Variants in UVRAG observed in about 807,000 individuals in gnomAD.
UVRAG encodes UV radiation resistance associated.
UVRAG carries 19 observed loss-of-function variants against 78.0 expected under a neutral mutation model. That is an observed-to-expected ratio of 0.24 (90% CI 0.17 to 0.36). The LOEUF is 0.36. UVRAG is among the 10% of genes least tolerant of loss of function. The pLI is 1.00. For synonymous variants in UVRAG, 323 were observed against 324.6 expected (o/e 1.00, Z 0.05); for missense variants, 740 against 853.8 (o/e 0.87, Z 1.66).
intron 4 of UVRAG, among the ~76,000 whole-genome samples, chr11:75,882,714 C>T (rs1386038949): frequency 6.6e-6 from 1 of 152,128 alleles, no homozygotes; most frequent in Non-Finnish European, 1.5e-5. Context: ...CACGCAGCTC[C>T]TGCTAACCAC....
At chr11:76,063,666 A>G (rs994947540) in intron 12 of UVRAG, among the ~76,000 whole-genome samples, 2 of 152,214 alleles carry the variant, frequency 1.3e-5, no homozygotes, top group South Asian at 4.1e-4. Flanking sequence ...GAATCTTCAT[A>G]GGAAATATAT....
intron 13 of UVRAG, among the ~76,000 whole-genome samples, chr11:76,079,950 G>A (rs1951467696): frequency 6.6e-6 from 1 of 152,160 alleles, no homozygotes; most frequent in Non-Finnish European, 1.5e-5. Context: ...AAAGAGATTT[G>A]TTTGGCTCAT....
At chr11:75,893,047 G>A (rs1265045351) in intron 5 of UVRAG, among the ~76,000 whole-genome samples, 6 of 151,746 alleles carry the variant, frequency 4.0e-5, no homozygotes, top group Middle Eastern at 3.4e-3. Flanking sequence ...GCATAGTGGC[G>A]GGTGCCTGTA....
rs573954180 is a variant in UVRAG, at chr11:75,937,309, G to C, written c.594-24135G>C. ...GCCAAGATCACGCCACTGCACTCCA[G>C]CCTCAGCGACAGAGTGAGACTCTGC... On this transcript the variant is annotated intron_variant, in intron 6 of 14. Coordinates refer to ENST00000356136, the MANE Select transcript of UVRAG (RefSeq NM_003369.4). Among the ~76,000 whole-genome samples, 50 of 152,296 alleles carry C rather than the reference G, an allele frequency of 3.3e-4. No individual in the cohort carries two copies. The Middle Eastern group carries it at 0.017, about 52-fold the overall frequency.
At position 75,828,735 on chromosome 11, in the gene UVRAG, A is replaced by G. The variant is rs202199930; in HGVS notation, c.117+13211A>G. On this transcript the variant is annotated intron_variant, in intron 1 of 14. Transcript: ENST00000356136. ...TGTGTATATATATGTGTGTGTGTATATATATATATATACACACACATATAT... is the reference window on the plus strand; with the variant it reads ...TGTGTATATATATGTGTGTGTGTATGTATATATATATACACACACATATAT... Among the ~76,000 whole-genome samples, 498 of 94,944 alleles carry G rather than the reference A, an allele frequency of 5.2e-3. 1 individual carries two copies. Among genetic ancestry groups the G allele is most frequent in the African/African-American group, 0.033 (447 of 13,690 alleles). 62.3% of individuals were successfully genotyped at this position (94,944 alleles called of 152,430 possible).
At chr11:76,062,019 C>T (rs1232965174) in intron 12 of UVRAG, among the ~76,000 whole-genome samples, 1 of 152,084 alleles carries the variant, frequency 6.6e-6, no homozygotes, top group Non-Finnish European at 1.5e-5. Context: ...GTTCTGGAGG[C>T]CAGAAGTCCA....
intron 6 of UVRAG, among the ~76,000 whole-genome samples, chr11:75,960,725 C>T (rs1948893966): frequency 1.3e-5 from 2 of 152,206 alleles, no homozygotes; most frequent in East Asian, 3.9e-4. Flanking sequence ...CGTGATTGCA[C>T]CACTGTACTC....
chr11:76,013,559 A>G (rs1017688096), intron 11 of UVRAG, among the ~76,000 whole-genome samples: 2 of 152,192 alleles, frequency 1.3e-5, no homozygotes, highest in African/African-American at 4.8e-5. Flanking sequence ...AGCACACCCC[A>G]GAGAGCTGGG....
chr11:75,836,734 T>G (rs1215749193), intron 1 of UVRAG, among the ~76,000 whole-genome samples: 1 of 152,204 alleles, frequency 6.6e-6, no homozygotes, highest in African/African-American at 2.4e-5. Context: ...TATAATTCCT[T>G]AAGAAGGTGC....
chr11:75,927,373 A>AT (rs1354200635), intron 6 of UVRAG, among the ~76,000 whole-genome samples: 46 of 152,126 alleles, frequency 3.0e-4, no homozygotes, highest in African/African-American at 1.0e-3. Flanking sequence ...CTGGCCAGGG[A>AT]TGTAATTTGG....
In UVRAG at chr11:75,991,176, A is replaced by G. The variant is rs181148301; in HGVS notation, c.826+7663A>G. Among the ~76,000 whole-genome samples the G allele has an allele frequency of 9.8e-5, 15 of 152,332 alleles. No homozygotes were observed. The East Asian group carries it at 2.3e-3, about 23-fold the overall frequency. On this transcript the variant is annotated intron_variant, in intron 8 of 14. Transcript: ENST00000356136. ...ATAAAGTCCATTTGTCTTTGTTAGA[A>G]TGGCCCCAAATAAATAGACAGTTGT...
intron 4 of UVRAG, among the ~76,000 whole-genome samples, 166 bp downstream of exon 4, chr11:75,880,206 A>G (rs6592616): frequency 0.073 from 11,152 of 152,222 alleles, 627 homozygotes; most frequent in African/African-American, 0.16. Context: ...ATATGTTATT[A>G]TTTACTTATA....
chr11:75,988,259 CTTG>C (rs1247849320), intron 8 of UVRAG, among the ~76,000 whole-genome samples: 6 of 152,164 alleles, frequency 3.9e-5, no homozygotes, highest in African/African-American at 1.4e-4. Flanking sequence ...GCTTTTTGGC[CTTG>C]TTGTAGTCAG....
chr11:75,907,322 G>A (rs183926317), intron 5 of UVRAG, among the ~76,000 whole-genome samples: 39 of 152,014 alleles, frequency 2.6e-4, no homozygotes, highest in Non-Finnish European at 2.9e-4. Context: ...TTTCACCATT[G>A]AGTATGGTGT....
intron 12 of UVRAG, among the ~76,000 whole-genome samples, chr11:76,023,597 GAC>G (rs1160937069): frequency 6.6e-6 from 1 of 152,078 alleles, no homozygotes; most frequent in Non-Finnish European, 1.5e-5. Flanking sequence ...AGTTAGAACA[GAC>G]ACACTTTGTT....
chr11:75,975,111 C>T (rs1448346619), intron 7 of UVRAG, among the ~76,000 whole-genome samples: 1 of 152,142 alleles, frequency 6.6e-6, no homozygotes, highest in East Asian at 1.9e-4. Flanking sequence ...AGCCAGTTTT[C>T]CCAGCACCAT....
chr11:75,879,986 G>C lies in UVRAG; in HGVS notation c.378G>C (p.Gln126His). 6.2e-7 allele frequency: 1 copy of C among 1,614,158 alleles called. No individual in the cohort carries two copies. The highest frequency in any genetic ancestry group is 1.1e-5 in the South Asian group (1 of 91,078). Reference sequence around the variant, plus strand: ...GGGGTGGAAAGGAGAACATCTACCAGCTGTTGATTGAATGGAAAGTCTGTT... The same window carrying C: ...GGGGTGGAAAGGAGAACATCTACCACCTGTTGATTGAATGGAAAGTCTGTT... ...KIWGGKENIY[Q>H]LLIEWKVCLD... The change falls in exon 4 of 15, where the codon CAG becomes CAC. Residue 126 changes from glutamine to histidine, a missense_variant. Coordinates refer to ENST00000356136, the MANE Select transcript of UVRAG (RefSeq NM_003369.4).
intron 12 of UVRAG, among the ~76,000 whole-genome samples, chr11:76,056,434 C>T (rs969584560): frequency 2.6e-5 from 4 of 152,144 alleles, no homozygotes; most frequent in Non-Finnish European, 4.4e-5. Flanking sequence ...GACCTTTTTC[C>T]GTAGAGCGTA....
intron 13 of UVRAG, among the ~76,000 whole-genome samples, chr11:76,100,426 ACT>A (rs1177748241): frequency 6.6e-6 from 1 of 151,746 alleles, no homozygotes; most frequent in Non-Finnish European, 1.5e-5. Context: ...AATTCCAGAA[ACT>A]CTCTCCACTG....
Sources: gnomAD v4.1 joint callset for allele counts (sites outside exome capture counted in the v4.1 genomes callset) on GRCh38, gnomAD v4.1.1 for gene constraint, MANE v1.5 for transcripts, NCBI Gene and HGNC (gene_info 2026-07-23, HGNC 2026-07-21) for gene names.